The following KIAA0586 variants were observed in gnomAD, a reference collection of about 807,000 sequenced individuals.
KIAA0586 encodes the protein protein TALPID3.
A neutral mutation model predicts 169.8 loss-of-function variants in KIAA0586; 144 were observed. The observed-to-expected ratio is 0.85, with a 90% CI of 0.74 to 0.97. The LOEUF (loss-of-function observed/expected upper bound fraction) is 0.97, where lower values mean the gene tolerates loss of function less well. Among genes scored for constraint, KIAA0586 ranks in the 50% least tolerant of loss-of-function variants. The pLI is 0.00. For synonymous variants in KIAA0586, 625 were observed against 612.4 expected, an observed-to-expected ratio of 1.02 and a Z score of -0.30; for missense variants, 1,854 against 1,823.0, an observed-to-expected ratio of 1.02 and a Z score of -0.31.
chr14:58,559,815 A>G, the KIAA0586 span, among the ~76,000 whole-genome samples: 1 of 152,138 alleles, frequency 6.6e-6, no homozygotes, highest in Non-Finnish European at 1.5e-5. Flanking sequence ...GAAATACAAA[A>G]GGAGTGGTTC....
At chr14:58,519,162 G>A (rs536049974) in intron 29 of KIAA0586, among the ~76,000 whole-genome samples, 10 of 152,032 alleles carry the variant, frequency 6.6e-5, no homozygotes, top group African/African-American at 2.2e-4. Context: ...ACAAAACAGG[G>A]GAATACATTT....
chr14:58,488,508 T>G, intron 23 of KIAA0586, 113 bp from the exon 24 acceptor site: 1 of 1,254,168 alleles, frequency 8.0e-7, no homozygotes, highest in Non-Finnish European at 1.1e-6. Context: ...TAGTGCAGAT[T>G]TAAAAAAATA....
At chr14:58,494,320 TTTTTTGTTG>T (rs2043018441) in intron 26 of KIAA0586, among the ~76,000 whole-genome samples, 1 of 34,742 alleles carries the variant, frequency 2.9e-5, no homozygotes, top group East Asian at 8.5e-4. Context: ...GACATTCTTG[TTTTTTGTTG>T]TTTTTTTTTT....
Position 58,474,595 on chromosome 14 carries a change from TG to T in KIAA0586, c.2635-11del. 1 of 1,551,034 alleles carries T rather than the reference TG, an allele frequency of 6.4e-7. No homozygotes were observed. Among genetic ancestry groups the T allele is most frequent in the Non-Finnish European group, 8.7e-7 (1 of 1,152,158 alleles). On this transcript the variant is annotated splice_polypyrimidine_tract_variant and intron_variant, in intron 18 of 30. Coordinates refer to ENST00000652326, the MANE Select transcript of KIAA0586 (RefSeq NM_001329943.3). ...TACATGAATATAATAGTTTTGTTTT[TG>T]TTACTACCAGGAAGAAGAAAAATGT...
intron 29 of KIAA0586, among the ~76,000 whole-genome samples, chr14:58,531,569 A>G (rs1286312125): frequency 6.6e-6 from 1 of 152,154 alleles, no homozygotes; most frequent in Non-Finnish European, 1.5e-5. Flanking sequence ...GAGATATAGG[A>G]ATGCTTTTAC....
At chr14:58,444,259 C>T (rs947624443) in intron 6 of KIAA0586, 84 bp downstream of exon 6, 4 of 837,916 alleles carry the variant, frequency 4.8e-6, no homozygotes, top group Non-Finnish European at 7.7e-6. Context: ...ATTACAGTAG[C>T]TCATTAGATT....
Position 58,503,203 on chromosome 14 carries a change from A to G in KIAA0586, c.4168+4243A>G, listed in dbSNP as rs371544148. Among the ~76,000 whole-genome samples, 4 of 152,352 alleles carry G rather than the reference A, an allele frequency of 2.6e-5. 1 individual carries two copies. Reference sequence around the variant, plus strand: ...GAATACCCACTGTATACCTAGAACTATGTAAGTACTACATTAAGCACTCAA... The same window carrying G: ...GAATACCCACTGTATACCTAGAACTGTGTAAGTACTACATTAAGCACTCAA... On this transcript the variant is annotated intron_variant, in intron 27 of 30. Coordinates refer to ENST00000652326, the MANE Select transcript of KIAA0586 (RefSeq NM_001329943.3).
Position 58,488,707 on chromosome 14 carries a change from C to T in KIAA0586, c.3614C>T (p.Pro1205Leu), listed in dbSNP as rs1396702406. Residue 1205 changes from proline to leucine, a missense_variant, in exon 24 of 31, where the codon CCA becomes CTA. Transcript: ENST00000652326. ...PPPPEPVPFM[P>L]FPAGTKAPSP... ...CCTCCAGAGCCAGTTCCCTTTATGC[C>T]ATTTCCTGCCGGCACCAAGGCCCCT... The T allele has an allele frequency of 6.8e-6, 11 of 1,613,756 alleles. No homozygotes were observed. The highest frequency in any genetic ancestry group is 1.7e-5 in the Admixed American group (1 of 59,988).
At chr14:58,459,747 T>A in intron 12 of KIAA0586, 96 bp from the exon 13 acceptor site, 1 of 679,266 alleles carries the variant, frequency 1.5e-6, no homozygotes. Flanking sequence ...TAAACTGTAT[T>A]TATATAGCAG....
At chr14:58,464,746 T>G (rs935718246) in intron 14 of KIAA0586, among the ~76,000 whole-genome samples, 1 of 152,182 alleles carries the variant, frequency 6.6e-6, no homozygotes, top group African/African-American at 2.4e-5. Context: ...AGCCCTAACA[T>G]GTACTATGTT....
At chr14:58,510,680 A>C (rs965488317) in intron 28 of KIAA0586, among the ~76,000 whole-genome samples, 2 of 152,230 alleles carry the variant, frequency 1.3e-5, no homozygotes, top group African/African-American at 2.4e-5. Flanking sequence ...GTGAATGTTC[A>C]TACAACCTTA....
intron 27 of KIAA0586, among the ~76,000 whole-genome samples, chr14:58,508,047 G>A (rs543603255): frequency 6.6e-6 from 1 of 152,054 alleles, no homozygotes; most frequent in Non-Finnish European, 1.5e-5. Flanking sequence ...GCTTCCCAAA[G>A]TGCTGGATTA....
chr14:58,482,785 C>T, intron 21 of KIAA0586, 73 bp downstream of exon 21: 2 of 1,009,244 alleles, frequency 2.0e-6, no homozygotes, highest in South Asian at 3.9e-5. Flanking sequence ...ACCATAAGAT[C>T]ATTGTTTGTG....
At chr14:58,486,714 G>GAGT (rs2042471068) in intron 21 of KIAA0586, among the ~76,000 whole-genome samples, 1 of 152,214 alleles carries the variant, frequency 6.6e-6, no homozygotes, top group Admixed American at 6.5e-5. Flanking sequence ...TGAGGCTGCA[G>GAGT]AGTAAACAGA....
chr14:58,542,138 C>T (rs931793487), intron 30 of KIAA0586, among the ~76,000 whole-genome samples: 3 of 152,000 alleles, frequency 2.0e-5, no homozygotes, highest in Non-Finnish European at 4.4e-5. Flanking sequence ...AGTTCTCTTA[C>T]AAAGTTCTAA....
At chr14:58,523,392 A>G (rs1004471817) in intron 29 of KIAA0586, among the ~76,000 whole-genome samples, 3 of 152,198 alleles carry the variant, frequency 2.0e-5, no homozygotes, top group Admixed American at 6.5e-5. Context: ...CCAACATTCC[A>G]AAAACCTCTT....
intron 29 of KIAA0586, among the ~76,000 whole-genome samples, chr14:58,528,951 C>T (rs2045775982): frequency 1.3e-5 from 2 of 151,930 alleles, no homozygotes; most frequent in Non-Finnish European, 2.9e-5. Context: ...AATGGATAGA[C>T]CACTAGCTAG....
rs1345706883 is a variant in KIAA0586 at position 58,550,852 on chromosome 14, A to G, written c.*2920A>G. On this transcript the variant is annotated 3_prime_UTR_variant, in exon 31 of 31. Coordinates refer to ENST00000652326, the MANE Select transcript of KIAA0586 (RefSeq NM_001329943.3). ...GTGTCTCAAAAAAAAAAAAAAAAAA[A>G]TTGCTGAGCTATCATGCCTTAACAC... The G allele has an allele frequency of 6.7e-6, 1 of 149,718 alleles. No individual in the cohort carries two copies. Among genetic ancestry groups the G allele is most frequent in the Non-Finnish European group, 1.5e-5 (1 of 67,712 alleles). 9.3% of individuals were successfully genotyped at this position (149,718 alleles called of 1,614,324 possible). A position where few individuals can be genotyped will look rare whatever the true frequency, so the allele number is the denominator to read the frequency against.
chr14:58,484,896 A>ATATATTTATATATATATATTTT (rs1555391491), intron 21 of KIAA0586, among the ~76,000 whole-genome samples: 1 of 5,084 alleles, frequency 2.0e-4, no homozygotes, highest in African/African-American at 6.1e-4. Context: ...ATATTTATAT[A>ATATATTTATATATATATATTTT]TATATATATA....
Sources: allele counts gnomAD v4.1 joint callset (sites outside exome capture counted in the v4.1 genomes callset), GRCh38; gene constraint gnomAD v4.1.1; transcripts MANE v1.5; gene names NCBI Gene and HGNC (gene_info 2026-07-23, HGNC 2026-07-21).